Variants in PLCH1 observed in about 807,000 individuals in gnomAD.
PLCH1 encodes the protein phospholipase C eta 1.
PLCH1 carries 60 observed loss-of-function variants against 126.7 expected under a neutral mutation model. The observed-to-expected ratio is 0.47, with a 90% CI of 0.38 to 0.59. The LOEUF is 0.59. Ranked by LOEUF, PLCH1 falls within the 20% of genes least tolerant of loss-of-function variation. PLCH1 has a pLI of 0.00. For synonymous variants in PLCH1, 719 were observed against 734.9 expected, an observed-to-expected ratio of 0.98 and a Z score of 0.35; for missense variants, 1,723 against 2,040.0, an observed-to-expected ratio of 0.84 and a Z score of 2.99.
intron 2 of PLCH1, among the ~76,000 whole-genome samples, chr3:155,645,985 G>A (rs1577230111): frequency 6.6e-6 from 1 of 152,174 alleles, no homozygotes; most frequent in South Asian, 2.1e-4. Flanking sequence ...ATACTTAGAT[G>A]TCTGGTATCT....
At chr3:155,548,765 C>G (rs1412722506) in intron 10 of PLCH1, among the ~76,000 whole-genome samples, 1 of 152,114 alleles carries the variant, frequency 6.6e-6, no homozygotes, top group Non-Finnish European at 1.5e-5. Flanking sequence ...TTCAAAATAC[C>G]TTTATGCATA....
At chr3:155,550,444 G>T (rs1043114003) in intron 9 of PLCH1, among the ~76,000 whole-genome samples, 5 of 152,114 alleles carry the variant, frequency 3.3e-5, no homozygotes, top group African/African-American at 1.2e-4. Flanking sequence ...TAACATAAGG[G>T]AATTCTGTGT....
intron 10 of PLCH1, among the ~76,000 whole-genome samples, chr3:155,538,173 C>T (rs1019301172): frequency 2.0e-5 from 3 of 151,964 alleles, no homozygotes; most frequent in African/African-American, 2.4e-5. Flanking sequence ...GAAATCAAGA[C>T]GGAAACTTAA....
intron 7 of PLCH1, among the ~76,000 whole-genome samples, chr3:155,565,388 C>T (rs359538): frequency 0.57 from 86,299 of 151,630 alleles, 27,120 homozygotes; most frequent in Middle Eastern, 0.73. Context: ...TGGGGGTGGA[C>T]CCCTCAAGGC....
Position 155,677,033 on chromosome 3 carries a change from C to G in PLCH1, c.79+27113G>C, listed in dbSNP as rs139076878. On this transcript the variant is annotated intron_variant, in intron 2 of 22. Transcript: ENST00000460012. Reference sequence around the variant, plus strand: ...AGACAGACAGACACATAAGCAGATACAGTAGCAATTTACAGTAGTCTTGCA... The same window carrying G: ...AGACAGACAGACACATAAGCAGATAGAGTAGCAATTTACAGTAGTCTTGCA... Among the ~76,000 whole-genome samples, 65 of 152,338 alleles carry G rather than the reference C, an allele frequency of 4.3e-4. No homozygotes were observed. The East Asian group carries it at 0.012, about 28-fold the overall frequency.
intron 1 of PLCH1, among the ~76,000 whole-genome samples, chr3:155,726,987 T>G (rs1346771810): frequency 6.6e-5 from 10 of 151,840 alleles, no homozygotes; most frequent in African/African-American, 2.4e-4. Context: ...CTCAAAGTGC[T>G]GGGAATACAG....
intron 10 of PLCH1, among the ~76,000 whole-genome samples, chr3:155,546,588 C>A (rs190021143): frequency 1.3e-5 from 2 of 152,182 alleles, no homozygotes; most frequent in Non-Finnish European, 2.9e-5. Context: ...CAAGTCAATC[C>A]TAAGCCAAAA....
chr3:155,575,939 C>T (rs1729887609), intron 6 of PLCH1, among the ~76,000 whole-genome samples: 1 of 152,158 alleles, frequency 6.6e-6, no homozygotes, highest in African/African-American at 2.4e-5. Flanking sequence ...AACCACTGGG[C>T]CTGGCTAGGA....
chr3:155,505,046 T>C (rs1718449475), intron 12 of PLCH1, among the ~76,000 whole-genome samples: 1 of 152,202 alleles, frequency 6.6e-6, no homozygotes, highest in Non-Finnish European at 1.5e-5. Flanking sequence ...CAAAAGTCAT[T>C]AGCAGCCAAT....
At chr3:155,742,466 A>ACCTTCCCTCTCTTTGTCT in intron 1 of PLCH1, 1 of 152,054 alleles carries the variant, frequency 6.6e-6, no homozygotes, top group South Asian at 2.1e-4. Context: ...CTGCCCATCA[A>ACCTTCCCTCTCTTTGTCT]CCTTCCCTCT....
intron 14 of PLCH1, among the ~76,000 whole-genome samples, chr3:155,498,552 T>C (rs1446150514): frequency 6.6e-6 from 1 of 152,184 alleles, no homozygotes; most frequent in Non-Finnish European, 1.5e-5. Context: ...GGGAACTACA[T>C]GGCCTTTGCA....
At position 155,564,952 on chromosome 3, in the gene PLCH1, A is replaced by G; in HGVS notation, c.1032T>C (p.Tyr344=). The G allele has an allele frequency of 6.2e-7, 1 of 1,614,054 alleles. No individual in the cohort carries two copies. The highest frequency in any genetic ancestry group is 8.5e-7 in the Non-Finnish European group (1 of 1,179,926). The change falls in exon 8 of 23, where the codon TAT becomes TAC. Residue 344 remains tyrosine, a synonymous_variant. Coordinates refer to ENST00000460012, the MANE Select transcript of PLCH1 (RefSeq NM_014996.4). ...QLLSQSKVDM[Y]ARVLQEGCRC... The stretch of plus-strand genomic sequence containing the variant: ...GACAGCCCTCTTGCAGCACCCGTGC[A>G]TACATATCCACTTTGGACTGAGAAA...
At chr3:155,734,561 T>G (rs1470071374) in intron 1 of PLCH1, among the ~76,000 whole-genome samples, 2 of 152,148 alleles carry the variant, frequency 1.3e-5, no homozygotes, top group Non-Finnish European at 2.9e-5. Context: ...GAAATCAGTA[T>G]GTCAAAGAAT....
chr3:155,528,696 C>T (rs1293809801), intron 10 of PLCH1, among the ~76,000 whole-genome samples: 1 of 152,080 alleles, frequency 6.6e-6, no homozygotes, highest in Non-Finnish European at 1.5e-5. Flanking sequence ...TAATAATCCT[C>T]AACTGATATG....
intron 21 of PLCH1, among the ~76,000 whole-genome samples, chr3:155,459,544 T>C (rs11709568): frequency 0.29 from 44,651 of 152,002 alleles, 7,502 homozygotes; most frequent in African/African-American, 0.45. Flanking sequence ...TGAGTTAAAA[T>C]GTTGGAACCT....
chr3:155,710,306 T>A (rs1372731995), intron 1 of PLCH1, among the ~76,000 whole-genome samples: 4 of 152,192 alleles, frequency 2.6e-5, no homozygotes, highest in East Asian at 1.9e-4. Flanking sequence ...TTAAGAGTTT[T>A]AAAAAAATGT....
chr3:155,506,403 C>A (rs1482641503), intron 12 of PLCH1, among the ~76,000 whole-genome samples: 3 of 145,732 alleles, frequency 2.1e-5, no homozygotes, highest in Non-Finnish European at 3.0e-5. Flanking sequence ...GCACATTGTG[C>A]AGGTTAGTTA....
At chr3:155,739,048 T>C (rs375944737) in intron 1 of PLCH1, among the ~76,000 whole-genome samples, 1 of 152,240 alleles carries the variant, frequency 6.6e-6, no homozygotes, top group Non-Finnish European at 1.5e-5. Flanking sequence ...AGTTTCTTTA[T>C]GCTGAAACCA....
intron 6 of PLCH1, among the ~76,000 whole-genome samples, chr3:155,575,093 T>C (rs1301324060): frequency 1.3e-5 from 2 of 151,476 alleles, no homozygotes; most frequent in Admixed American, 1.3e-4. Context: ...ACAGCACCAC[T>C]GCACTCCAGC....
Sources: allele counts gnomAD v4.1 joint callset (sites outside exome capture counted in the v4.1 genomes callset), GRCh38; gene constraint gnomAD v4.1.1; transcripts MANE v1.5; gene names NCBI Gene and HGNC (gene_info 2026-07-23, HGNC 2026-07-21).